USO1: variants seen among roughly 807,000 people sequenced by gnomAD.
The protein encoded by USO1 is USO1 vesicle transport factor.
Under a neutral mutation model 124.5 loss-of-function variants are expected in USO1, and 57 were observed. The observed-to-expected ratio is 0.46, with a 90% CI of 0.37 to 0.57. The LOEUF (loss-of-function observed/expected upper bound fraction) is 0.57, where lower values mean the gene tolerates loss of function less well. Ranked by LOEUF, USO1 falls within the 20% of genes least tolerant of loss-of-function variation. USO1 has a pLI of 0.00. For missense variants in USO1, 900 were observed against 1,040.6 expected (o/e 0.86, Z 1.86); for synonymous variants, 369 against 362.8 (o/e 1.02, Z -0.19).
rs1002954249 is a variant in USO1 at position 75,749,468 on chromosome 4, A to G, written c.67-2905A>G. ...CAGGCTGGAGTGCAGTGGCGTGATC[A>G]TAGCTTGCTGCAACCTCTTAACTTC... On this transcript the variant is annotated intron_variant, in intron 1 of 23. Coordinates refer to ENST00000514213, the MANE Select transcript of USO1 (RefSeq NM_003715.4). 1.7e-4 allele frequency among the ~76,000 whole-genome samples: 6 copies of G among 36,290 alleles called. No individual in the cohort carries two copies. In the Admixed American group the frequency reaches 2.6e-3, roughly 15 times the overall value. The allele number at this position is 36,290 out of a possible 152,430, so 23.8% of individuals were successfully genotyped here.
At chr4:75,800,299 G>A (rs971735946) in intron 14 of USO1, 52 bp from the exon 15 acceptor site, 57 of 1,522,166 alleles carry the variant, frequency 3.7e-5, no homozygotes, top group Non-Finnish European at 1.6e-5. Flanking sequence ...AATTCAAATT[G>A]CAAAATGTAC....
intron 1 of USO1, among the ~76,000 whole-genome samples, chr4:75,729,032 G>C: frequency 6.6e-6 from 1 of 152,206 alleles, no homozygotes; most frequent in East Asian, 1.9e-4. Context: ...TCCTGACTTC[G>C]TGATCCGCCT....
At chr4:75,809,199 A>G in intron 21 of USO1, 148 bp downstream of exon 21, 2 of 977,436 alleles carry the variant, frequency 2.0e-6, no homozygotes, top group Admixed American at 3.4e-5. Context: ...CATAGGCTTC[A>G]TGTTCATGGT....
At chr4:75,735,756 A>C (rs1027513929) in intron 1 of USO1, among the ~76,000 whole-genome samples, 4 of 151,912 alleles carry the variant, frequency 2.6e-5, no homozygotes, top group African/African-American at 9.7e-5. Flanking sequence ...CCTGGACTCA[A>C]GTGATCCTCT....
chr4:75,728,860 G>A (rs1361449826), intron 1 of USO1, among the ~76,000 whole-genome samples: 6 of 152,000 alleles, frequency 3.9e-5, no homozygotes, highest in Middle Eastern at 3.4e-3. Flanking sequence ...GTGCAGTGGC[G>A]CAATCTTGGC....
intron 6 of USO1, 49 bp from the exon 7 acceptor site, chr4:75,771,033 A>C (rs1721912485): frequency 6.3e-7 from 1 of 1,598,498 alleles, no homozygotes; most frequent in East Asian, 2.2e-5. Flanking sequence ...TTGAGTCACT[A>C]TTTGTATTTT....
At chr4:75,725,614 A>AT (rs1402701471) in intron 1 of USO1, among the ~76,000 whole-genome samples, 3 of 104,276 alleles carry the variant, frequency 2.9e-5, no homozygotes, top group East Asian at 5.1e-4. Flanking sequence ...TTGCGGCGTT[A>AT]TTTAAAAAAA....
chr4:75,756,493 T>C (rs1386489589), intron 3 of USO1, among the ~76,000 whole-genome samples: 1 of 145,720 alleles, frequency 6.9e-6, no homozygotes, highest in African/African-American at 2.6e-5. Context: ...TGGTCTTTAT[T>C]GTCTTTCATA....
intron 1 of USO1, chr4:75,745,270 C>G: frequency 2.0e-6 from 1 of 495,632 alleles, no homozygotes; most frequent in Non-Finnish European, 4.0e-6. Flanking sequence ...ATAACTTTCC[C>G]AAATTGAGGC....
intron 1 of USO1, among the ~76,000 whole-genome samples, chr4:75,735,279 A>C (rs553536207): frequency 6.6e-6 from 1 of 152,234 alleles, no homozygotes; most frequent in Middle Eastern, 3.4e-3. Flanking sequence ...ATTTTTGTAC[A>C]TTGATTTTGT....
intron 6 of USO1, 72 bp downstream of exon 6, chr4:75,770,996 A>G: frequency 6.9e-6 from 11 of 1,597,766 alleles, no homozygotes; most frequent in Non-Finnish European, 9.4e-6. Flanking sequence ...AGGGACTGAA[A>G]TGGTGTGTTA....
At chr4:75,804,042 C>A in intron 17 of USO1, 92 bp from the exon 18 acceptor site, 1 of 1,477,840 alleles carries the variant, frequency 6.8e-7, no homozygotes, top group South Asian at 1.4e-5. Context: ...AGCATACTGT[C>A]CCAAAATGAC....
At chr4:75,747,200 A>G (rs1016346525) in intron 1 of USO1, among the ~76,000 whole-genome samples, 2 of 152,196 alleles carry the variant, frequency 1.3e-5, no homozygotes, top group African/African-American at 4.8e-5. Flanking sequence ...TAAAATGAAA[A>G]GGCCATTTTG....
rs1032368473 is a variant in USO1 at position 75,809,005 on chromosome 4, A to G, written c.2429A>G (p.Lys810Arg). 1.2e-6 allele frequency: 2 copies of G among 1,605,458 alleles called. No homozygotes were observed. The highest frequency in any genetic ancestry group is 1.7e-6 in the Non-Finnish European group (2 of 1,176,176). ...AACTCACAATCTGTGGAGATCACCA[A>G]ACTACAGACAGAAAAGCAGGAACTG... is the stretch of plus-strand genomic sequence containing the variant. ...QLNSQSVEIT[K>R]LQTEKQELLQ... Residue 810 changes from lysine to arginine, a missense_variant, in exon 21 of 24, where the codon AAA (lysine) becomes AGA (arginine). Transcript: ENST00000514213.
intron 7 of USO1, among the ~76,000 whole-genome samples, 176 bp from the exon 8 acceptor site, chr4:75,774,500 A>G (rs1244141492): frequency 6.6e-6 from 1 of 152,206 alleles, no homozygotes; most frequent in Non-Finnish European, 1.5e-5. Flanking sequence ...TTTGAGGTTT[A>G]TAACCTTAGG....
rs533041107 is a variant in USO1 at position 75,796,341 on chromosome 4, C to CTTTTT, written c.1452+2448_1452+2452dup. Among the ~76,000 whole-genome samples the CTTTTT allele has an allele frequency of 6.4e-4, 65 of 102,062 alleles. 7 individuals are homozygous for CTTTTT. The highest frequency in any genetic ancestry group is 4.2e-4 in the Non-Finnish European group (20 of 48,034). 67.0% of individuals were successfully genotyped at this position (102,062 alleles called of 152,430 possible). A position where few individuals can be genotyped will look rare whatever the true frequency, so the allele number is the denominator to read the frequency against. The stretch of plus-strand genomic sequence containing the variant: ...TAATCCCAGAAAGTTCCATCATGCT[C>CTTTTT]TTTTTTTTTTTTGAGACGGAGTCTC... On this transcript the variant is annotated intron_variant, in intron 13 of 23. Coordinates refer to ENST00000514213, the MANE Select transcript of USO1 (RefSeq NM_003715.4).
Position 75,806,561 on chromosome 4 carries a change from G to A in USO1, c.2365G>A (p.Glu789Lys). 6.4e-7 allele frequency: 1 copy of A among 1,554,792 alleles called. No homozygotes were observed. The change falls in exon 20 of 24, where the codon GAA (glutamate) becomes AAA (lysine). Residue 789 changes from glutamate (E) to lysine (K), a missense_variant. Physicochemically the swap from Glu to Lys is moderately conservative, Grantham distance 56. Around this residue, in one of 2 missense-constraint regions of USO1, gnomAD observed 362 missense variants for 359.0 expected, o/e 1.01. Transcript: ENST00000514213. ...VSARDSEQVA[E>K]LKQELATLKS... The stretch of plus-strand genomic sequence containing the variant: ...AGCTAGAGATTCTGAACAAGTTGCA[G>A]AATTAAAACAGGTAATTTTCCACTT...
At chr4:75,809,430 T>C (rs1723083996) in intron 21 of USO1, among the ~76,000 whole-genome samples, 1 of 152,226 alleles carries the variant, frequency 6.6e-6, no homozygotes, top group Non-Finnish European at 1.5e-5. Context: ...CTAATTCTGA[T>C]TCTTTTTTGC....
intron 1 of USO1, among the ~76,000 whole-genome samples, chr4:75,744,301 A>G (rs1721059244): frequency 6.6e-6 from 1 of 152,188 alleles, no homozygotes; most frequent in Non-Finnish European, 1.5e-5. Context: ...TTCAGACTGT[A>G]TTATTCCTTT....
Sources: allele counts gnomAD v4.1 joint callset (sites outside exome capture counted in the v4.1 genomes callset), GRCh38; gene constraint gnomAD v4.1.1; regional missense constraint gnomAD v4.1.1; transcripts MANE v1.5; gene names NCBI Gene and HGNC (gene_info 2026-07-23, HGNC 2026-07-21).